Variants in MAGI2 observed in about 807,000 individuals in gnomAD.
The protein encoded by MAGI2 is membrane associated guanylate kinase, WW and PDZ domain containing 2, also known as membrane-associated guanylate kinase, WW and PDZ domain-containing protein 2.
In MAGI2, 35 loss-of-function variants were observed where a neutral mutation model predicts 133.3. The observed-to-expected ratio is 0.26, with a 90% CI of 0.20 to 0.35. The LOEUF (loss-of-function observed/expected upper bound fraction) is 0.35, where lower values mean the gene tolerates loss of function less well. Among genes scored for constraint, MAGI2 ranks in the 10% least tolerant of loss-of-function variants. The probability of loss-of-function intolerance (pLI) is 1.00; values close to 1 mark genes in which losing one functional copy is unlikely to be tolerated. For synonymous variants in MAGI2, 729 were observed against 710.6 expected (o/e 1.03, Z -0.41); for missense variants, 1,636 against 1,863.4 (o/e 0.88, Z 2.25).
At chr7:78,075,772 G>C (rs1487549806) in intron 21 of MAGI2, among the ~76,000 whole-genome samples, 1 of 152,050 alleles carries the variant, frequency 6.6e-6, no homozygotes, top group Non-Finnish European at 1.5e-5. Context: ...GGGACTCCTG[G>C]GCCCCATCTG....
At chr7:78,367,973 G>A (rs1793549886) in intron 7 of MAGI2, among the ~76,000 whole-genome samples, 1 of 151,806 alleles carries the variant, frequency 6.6e-6, no homozygotes, top group South Asian at 2.1e-4. Context: ...TTTTGTATTT[G>A]TTCAGTGTCC....
intron 7 of MAGI2, among the ~76,000 whole-genome samples, chr7:78,367,588 C>T (rs191262297): frequency 1.9e-4 from 29 of 152,292 alleles, no homozygotes; most frequent in Admixed American, 3.3e-4. Flanking sequence ...TATTTGCTAT[C>T]TGGGTTTTTA....
At chr7:78,768,100 T>C (rs1044965331) in intron 2 of MAGI2, among the ~76,000 whole-genome samples, 12 of 152,244 alleles carry the variant, frequency 7.9e-5, no homozygotes, top group Admixed American at 2.6e-4. Flanking sequence ...ACACATTATC[T>C]GGTTTAAATA....
rs113266025 is a variant in MAGI2, at chr7:79,197,751, G to A, written c.302-190545C>T. 5.8e-3 allele frequency among the ~76,000 whole-genome samples: 877 copies of A among 152,088 alleles called. 25 individuals are homozygous for A. The highest frequency in any genetic ancestry group is 0.02 in the African/African-American group (843 of 41,408). The stretch of plus-strand genomic sequence containing the variant: ...GAAGGCTGTACCGACTCCATGTCTG[G>A]TAAGGACTCTTTGCTTCAGGGAAGG... On this transcript the variant is annotated intron_variant, in intron 1 of 21. Coordinates refer to ENST00000354212, the MANE Select transcript of MAGI2 (RefSeq NM_012301.4).
intron 1 of MAGI2, among the ~76,000 whole-genome samples, chr7:79,381,119 A>C (rs1843742393): frequency 7.1e-6 from 1 of 141,490 alleles, no homozygotes; most frequent in South Asian, 2.3e-4. Flanking sequence ...TCAATGCCAT[A>C]TTACCATATC....
intron 20 of MAGI2, among the ~76,000 whole-genome samples, chr7:78,116,682 C>T (rs2150483706): frequency 6.6e-6 from 1 of 152,060 alleles, no homozygotes; most frequent in South Asian, 2.1e-4. Flanking sequence ...AGTTTGAGAC[C>T]AGCCTAGGCA....
chr7:78,386,878 T>G (rs1795438260), intron 6 of MAGI2, among the ~76,000 whole-genome samples: 2 of 152,142 alleles, frequency 1.3e-5, no homozygotes, highest in Admixed American at 1.3e-4. Flanking sequence ...ATAATGGCAT[T>G]TAGAGGCAAA....
At chr7:78,470,802 G>T (rs576156859) in intron 6 of MAGI2, among the ~76,000 whole-genome samples, 4 of 152,052 alleles carry the variant, frequency 2.6e-5, no homozygotes, top group Non-Finnish European at 5.9e-5. Context: ...GAGCACAATG[G>T]GTCTGTTATA....
At chr7:79,149,126 TAATA>T (rs897922070) in intron 1 of MAGI2, among the ~76,000 whole-genome samples, 4 of 144,462 alleles carry the variant, frequency 2.8e-5, no homozygotes, top group African/African-American at 1.0e-4. Context: ...ATATATAATA[TAATA>T]TATATACTTC....
intron 6 of MAGI2, among the ~76,000 whole-genome samples, chr7:78,404,607 G>A (rs902168356): frequency 6.6e-6 from 1 of 152,124 alleles, no homozygotes; most frequent in African/African-American, 2.4e-5. Flanking sequence ...GGGAAAACTG[G>A]CTAGCCATAT....
chr7:78,541,154 A>G (rs62468607), intron 3 of MAGI2, among the ~76,000 whole-genome samples: 10,626 of 152,024 alleles, frequency 0.07, 456 homozygotes, highest in Non-Finnish European at 0.1. Context: ...GGATTTCTTT[A>G]TGAGATGCTG....
intron 2 of MAGI2, among the ~76,000 whole-genome samples, chr7:78,819,412 T>A (rs182455552): frequency 6.6e-6 from 1 of 152,252 alleles, no homozygotes; most frequent in African/African-American, 2.4e-5. Flanking sequence ...CCTAAGGGCA[T>A]GGAATTTATA....
chr7:78,118,329 A>G (rs764875517), intron 20 of MAGI2, among the ~76,000 whole-genome samples: 4 of 152,346 alleles, frequency 2.6e-5, no homozygotes, highest in African/African-American at 9.6e-5. Context: ...GGCATAATCT[A>G]TGAAAGAAAT....
Position 78,155,813 on chromosome 7 carries a change from G to A in MAGI2, c.2845+4212C>T, listed in dbSNP as rs555483661. Among the ~76,000 whole-genome samples the A allele has an allele frequency of 5.9e-5, 9 of 152,202 alleles. No homozygotes were observed. The East Asian group carries it at 1.5e-3, about 26-fold the overall frequency. ...ATATAAAGTTTTTTCCTTATTTCCT[G>A]GGGAAATAATATTTTGAAAACAAAT... On this transcript the variant is annotated intron_variant, in intron 16 of 21. Transcript: ENST00000354212.
At chr7:78,620,624 T>C (rs1163754161) in intron 3 of MAGI2, among the ~76,000 whole-genome samples, 1 of 151,944 alleles carries the variant, frequency 6.6e-6, no homozygotes, top group African/African-American at 2.4e-5. Flanking sequence ...TATACTAGGG[T>C]CCACGATTAT....
intron 2 of MAGI2, among the ~76,000 whole-genome samples, chr7:78,761,517 G>A (rs1200416464): frequency 6.7e-6 from 1 of 150,314 alleles, no homozygotes; most frequent in Non-Finnish European, 1.5e-5. Context: ...CCAGGCTGGA[G>A]TGTTGTGGTG....
chr7:78,310,162 C>T (rs938978581), intron 9 of MAGI2, among the ~76,000 whole-genome samples: 9 of 152,030 alleles, frequency 5.9e-5, no homozygotes, highest in Admixed American at 3.9e-4. Context: ...AGTGGCCAGG[C>T]GTGGTGGCTC....
chr7:79,284,400 T>C (rs576352309), intron 1 of MAGI2, among the ~76,000 whole-genome samples: 5 of 152,088 alleles, frequency 3.3e-5, no homozygotes, highest in Admixed American at 6.6e-5. Context: ...GCTCCTAATA[T>C]GGGACTTCAA....
chr7:79,119,058 C>G (rs956990147), intron 1 of MAGI2, among the ~76,000 whole-genome samples: 4 of 152,072 alleles, frequency 2.6e-5, no homozygotes, highest in African/African-American at 9.7e-5. Flanking sequence ...AATGTTTCTA[C>G]TTGCTTTATT....
Sources: allele counts gnomAD v4.1 joint callset (sites outside exome capture counted in the v4.1 genomes callset), GRCh38; gene constraint gnomAD v4.1.1; transcripts MANE v1.5; gene names NCBI Gene and HGNC (gene_info 2026-07-23, HGNC 2026-07-21).